MACROD2: variants seen among roughly 807,000 people sequenced by gnomAD.
MACROD2 encodes the protein mono-ADP ribosylhydrolase 2.
A neutral mutation model predicts 70.4 loss-of-function variants in MACROD2; 36 were observed. That is an observed-to-expected ratio of 0.51 (90% CI 0.39 to 0.68). The LOEUF (loss-of-function observed/expected upper bound fraction) is 0.68. Among genes scored for constraint, MACROD2 ranks in the 30% least tolerant of loss-of-function variants. MACROD2 has a pLI of 0.00. For synonymous variants in MACROD2, 172 were observed against 178.8 expected (o/e 0.96, Z 0.30); for missense variants, 496 against 538.4 (o/e 0.92, Z 0.78).
At chr20:15,732,879 C>T (rs2050965817) in intron 8 of MACROD2, among the ~76,000 whole-genome samples, 1 of 151,818 alleles carries the variant, frequency 6.6e-6, no homozygotes, top group Non-Finnish European at 1.5e-5. Flanking sequence ...ATAATTTCTT[C>T]CTTAAGTGTT....
At chr20:14,588,164 G>A (rs1051939887) in intron 4 of MACROD2, among the ~76,000 whole-genome samples, 1 of 152,094 alleles carries the variant, frequency 6.6e-6, no homozygotes, top group African/African-American at 2.4e-5. Context: ...CTTCCTAGGA[G>A]TAAATCTTTG....
chr20:14,243,221 G>A (rs904258496), intron 3 of MACROD2, among the ~76,000 whole-genome samples: 4 of 152,124 alleles, frequency 2.6e-5, no homozygotes, highest in East Asian at 1.9e-4. Context: ...GTCAGCTTTT[G>A]TGCTCTTTTG....
chr20:14,003,600 C>T (rs2052767003), intron 2 of MACROD2: 2 of 435,788 alleles, frequency 4.6e-6, no homozygotes, highest in Non-Finnish European at 9.1e-6. Flanking sequence ...ACGTGAGCAT[C>T]ATGGAACCCA....
chr20:14,438,231 A>G (rs1452410878), intron 3 of MACROD2, among the ~76,000 whole-genome samples: 1 of 152,200 alleles, frequency 6.6e-6, no homozygotes, highest in Non-Finnish European at 1.5e-5. Context: ...TCCATGCTGT[A>G]GCAAATGATA....
intron 5 of MACROD2, among the ~76,000 whole-genome samples, chr20:14,810,627 A>G (rs1164331883): frequency 6.6e-6 from 1 of 152,098 alleles, no homozygotes; most frequent in Non-Finnish European, 1.5e-5. Flanking sequence ...GGGTATTCAA[A>G]TAGGAAGAGA....
intron 10 of MACROD2, among the ~76,000 whole-genome samples, chr20:15,911,974 C>A (rs1244356929): frequency 6.6e-6 from 1 of 152,118 alleles, no homozygotes; most frequent in Non-Finnish European, 1.5e-5. Flanking sequence ...CCATTGCACT[C>A]CAGCCCGGGC....
At chr20:15,380,573 A>G (rs978711066) in intron 6 of MACROD2, among the ~76,000 whole-genome samples, 1 of 152,142 alleles carries the variant, frequency 6.6e-6, no homozygotes, top group African/African-American at 2.4e-5. Context: ...GTTATTATCT[A>G]TGCTCTTCAG....
intron 15 of MACROD2, among the ~76,000 whole-genome samples, chr20:16,037,082 A>C (rs2067246367): frequency 6.6e-6 from 1 of 151,920 alleles, no homozygotes; most frequent in South Asian, 2.1e-4. Flanking sequence ...ATTGAATCTC[A>C]TACTAATCTA....
At chr20:14,182,560 T>C (rs746829246) in intron 3 of MACROD2, among the ~76,000 whole-genome samples, 2 of 152,162 alleles carry the variant, frequency 1.3e-5, no homozygotes, top group Non-Finnish European at 2.9e-5. Context: ...TAATTCAGGG[T>C]TATGAATATT....
At chr20:14,257,293 C>T (rs965181293) in intron 3 of MACROD2, among the ~76,000 whole-genome samples, 2 of 152,210 alleles carry the variant, frequency 1.3e-5, no homozygotes, top group African/African-American at 4.8e-5. Context: ...TAGATATCAT[C>T]TTCCTGAGGA....
intron 8 of MACROD2, among the ~76,000 whole-genome samples, chr20:15,739,408 G>A (rs1446092781): frequency 6.6e-6 from 1 of 152,182 alleles, no homozygotes; most frequent in East Asian, 1.9e-4. Flanking sequence ...CACATTCTGT[G>A]AGAAGAGAGC....
intron 5 of MACROD2, among the ~76,000 whole-genome samples, chr20:15,213,072 A>G (rs1412715642): frequency 6.6e-6 from 1 of 152,204 alleles, no homozygotes; most frequent in South Asian, 2.1e-4. Context: ...ATTAAGTGAG[A>G]ACACACAACA....
At chr20:14,688,031 G>T (rs2071022371) in intron 5 of MACROD2, among the ~76,000 whole-genome samples, 1 of 151,676 alleles carries the variant, frequency 6.6e-6, no homozygotes, top group African/African-American at 2.4e-5. Flanking sequence ...CATCAATTTG[G>T]TTCATCCATT....
At chr20:14,825,885 A>G (rs553936308) in intron 5 of MACROD2, among the ~76,000 whole-genome samples, 2 of 152,282 alleles carry the variant, frequency 1.3e-5, no homozygotes, top group East Asian at 3.9e-4. Flanking sequence ...GCCTATGCAC[A>G]AAAGATCGCC....
At chr20:15,899,908 GTTATTA>G (rs915676558) in intron 10 of MACROD2, among the ~76,000 whole-genome samples, 3 of 151,900 alleles carry the variant, frequency 2.0e-5, no homozygotes, top group Non-Finnish European at 2.9e-5. Flanking sequence ...TAATATTAAA[GTTATTA>G]TTATTATTAT....
intron 4 of MACROD2, among the ~76,000 whole-genome samples, chr20:14,639,630 G>A (rs922019751): frequency 6.6e-6 from 1 of 152,130 alleles, no homozygotes; most frequent in African/African-American, 2.4e-5. Context: ...GTTGATTACA[G>A]AATAGCCATC....
At chr20:15,374,216 ATAAG>A (rs1177326455) in intron 6 of MACROD2, among the ~76,000 whole-genome samples, 1 of 151,942 alleles carries the variant, frequency 6.6e-6, no homozygotes, top group Non-Finnish European at 1.5e-5. Context: ...ATACACACAT[ATAAG>A]TGATTTTATC....
chr20:15,408,992 A>G (rs563963194), intron 6 of MACROD2, among the ~76,000 whole-genome samples: 2 of 152,350 alleles, frequency 1.3e-5, no homozygotes, highest in South Asian at 4.1e-4. Flanking sequence ...ATATTAATGC[A>G]TTAAGCCTCT....
intron 3 of MACROD2, among the ~76,000 whole-genome samples, chr20:14,458,927 T>C (rs1191234857): frequency 6.6e-6 from 1 of 152,106 alleles, no homozygotes; most frequent in Non-Finnish European, 1.5e-5. Flanking sequence ...GATCTTTGAA[T>C]TGTAGACTAG....
Sources: gnomAD v4.1 joint callset for allele counts (sites outside exome capture counted in the v4.1 genomes callset) on GRCh38, gnomAD v4.1.1 for gene constraint, MANE v1.5 for transcripts, NCBI Gene and HGNC (gene_info 2026-07-23, HGNC 2026-07-21) for gene names.